Variants in CRIM1 observed in about 807,000 individuals in gnomAD.
The protein encoded by CRIM1 is cysteine-rich motor neuron 1 protein.
CRIM1 carries 32 observed loss-of-function variants against 116.4 expected under a neutral mutation model. That is an observed-to-expected ratio of 0.27 (90% CI 0.21 to 0.37). The LOEUF (loss-of-function observed/expected upper bound fraction) is 0.37. CRIM1 is among the 10% of genes least tolerant of loss of function. The pLI is 1.00. For synonymous variants in CRIM1, 590 were observed against 509.2 expected (o/e 1.16, Z -2.13); for missense variants, 1,331 against 1,354.8 (o/e 0.98, Z 0.28).
At chr2:36,495,140 G>T (rs950142902) in intron 7 of CRIM1, among the ~76,000 whole-genome samples, 1 of 152,142 alleles carries the variant, frequency 6.6e-6, no homozygotes, top group African/African-American at 2.4e-5. Flanking sequence ...CAGGACCTCT[G>T]TTCAATTGAA....
chr2:36,475,180 AT>A (rs2125036491), intron 5 of CRIM1, among the ~76,000 whole-genome samples: 1 of 152,366 alleles, frequency 6.6e-6, no homozygotes, highest in Admixed American at 6.5e-5. Context: ...ATGTAGATCA[AT>A]TTGGGGAATA....
intron 1 of CRIM1, among the ~76,000 whole-genome samples, chr2:36,361,005 G>A (rs895902512): frequency 1.3e-5 from 2 of 152,060 alleles, no homozygotes; most frequent in African/African-American, 2.4e-5. Flanking sequence ...AGAAACCAAC[G>A]AAGTAAACAA....
chr2:36,379,743 T>TC (rs67148255), intron 1 of CRIM1, among the ~76,000 whole-genome samples: 16,451 of 64,498 alleles, frequency 0.26, 1,011 homozygotes, highest in East Asian at 0.49. Flanking sequence ...TCTTTCTCTC[T>TC]TTTTTTTTTT....
intron 1 of CRIM1, among the ~76,000 whole-genome samples, chr2:36,360,104 T>C (rs1276235768): frequency 6.6e-6 from 1 of 152,354 alleles, no homozygotes; most frequent in African/African-American, 2.4e-5. Context: ...GATTGGACAG[T>C]GAGAATTATG....
At chr2:36,512,521 T>C in intron 10 of CRIM1, 127 bp downstream of exon 10, 2 of 1,001,218 alleles carry the variant, frequency 2.0e-6, no homozygotes, top group East Asian at 2.4e-5. Context: ...TGTCAGTCTC[T>C]GTGGGACCGT....
At chr2:36,438,449 TCTC>T (rs1467089478) in intron 2 of CRIM1, among the ~76,000 whole-genome samples, 2 of 152,176 alleles carry the variant, frequency 1.3e-5, no homozygotes. Context: ...AGATTCGCCT[TCTC>T]CTCCTCACCT....
At chr2:36,414,590 T>C (rs977832785) in intron 2 of CRIM1, among the ~76,000 whole-genome samples, 1 of 152,204 alleles carries the variant, frequency 6.6e-6, no homozygotes, top group Admixed American at 6.5e-5. Flanking sequence ...ATAGGATAGC[T>C]TGAGAAAGTC....
chr2:36,398,591 G>A (rs78252291), intron 2 of CRIM1, among the ~76,000 whole-genome samples: 4 of 152,274 alleles, frequency 2.6e-5, no homozygotes, highest in Admixed American at 6.5e-5. Flanking sequence ...AATAATTACC[G>A]TATCTGATTG....
intron 1 of CRIM1, 41 bp from the exon 2 acceptor site, chr2:36,396,573 A>G: frequency 7.1e-7 from 1 of 1,407,828 alleles, no homozygotes; most frequent in Non-Finnish European, 9.6e-7. Context: ...CTTTGAATGA[A>G]GCTGCAAACA....
chr2:36,543,480 C>T (rs1420797234), intron 14 of CRIM1, among the ~76,000 whole-genome samples: 2 of 143,742 alleles, frequency 1.4e-5, no homozygotes, highest in Admixed American at 7.3e-5. Flanking sequence ...TAGGATCCTA[C>T]GTGTTGAGTA....
intron 2 of CRIM1, among the ~76,000 whole-genome samples, chr2:36,426,351 C>G (rs1345410714): frequency 6.6e-6 from 1 of 152,110 alleles, no homozygotes; most frequent in Non-Finnish European, 1.5e-5. Flanking sequence ...AATCATTAAT[C>G]TTGAAGGTCA....
chr2:36,436,091 T>C (rs116672826), intron 2 of CRIM1, among the ~76,000 whole-genome samples: 303 of 152,218 alleles, frequency 2.0e-3, no homozygotes, highest in Non-Finnish European at 3.4e-3. Flanking sequence ...AACTTTCTAA[T>C]TGATGGAGTG....
chr2:36,406,602 C>G (rs944199520), intron 2 of CRIM1, among the ~76,000 whole-genome samples: 3 of 148,364 alleles, frequency 2.0e-5, no homozygotes, highest in African/African-American at 7.5e-5. Context: ...ACTAGTTTAA[C>G]TCTGCTAATA....
intron 8 of CRIM1, among the ~76,000 whole-genome samples, chr2:36,509,484 G>A (rs191912688): frequency 1.6e-4 from 24 of 152,262 alleles, no homozygotes; most frequent in East Asian, 5.8e-4. Flanking sequence ...CCGAAATCAC[G>A]CCACTGTACT....
chr2:36,533,507 TAGG>T (rs1666262048), intron 13 of CRIM1, among the ~76,000 whole-genome samples: 1 of 150,934 alleles, frequency 6.6e-6, no homozygotes, highest in Non-Finnish European at 1.5e-5. Context: ...GAGGTTAAAG[TAGG>T]AGGATCACTT....
chr2:36,548,660 C>T lies in CRIM1; in HGVS notation c.3070C>T (p.Gln1024Ter), dbSNP rs775515274. The T allele has an allele frequency of 6.2e-7, 1 of 1,607,950 alleles. No individual in the cohort carries two copies. The highest frequency in any genetic ancestry group is 8.5e-7 in the Non-Finnish European group (1 of 1,178,174). The change falls in exon 17 of 17, where the codon CAG becomes TAG. Residue 1024 changes from glutamine (Q) to a stop codon, truncating the protein, a stop_gained. Transcript: ENST00000280527. LOFTEE classifies it high-confidence loss of function. ...RFSGFYSMQK[Q>*]NHLQADNFYQ... The stretch of plus-strand genomic sequence containing the variant: ...CAGTGGCTTCTACAGCATGCAAAAA[C>T]AGAACCATCTACAGGCAGACAATTT...
intron 2 of CRIM1, among the ~76,000 whole-genome samples, chr2:36,410,050 G>C (rs1673092587): frequency 6.6e-6 from 1 of 152,152 alleles, no homozygotes; most frequent in Non-Finnish European, 1.5e-5. Context: ...TTTGATTCGT[G>C]GTTTCTCTTG....
chr2:36,429,812 G>T (rs1674739302), intron 2 of CRIM1, among the ~76,000 whole-genome samples: 1 of 152,222 alleles, frequency 6.6e-6, no homozygotes, highest in Non-Finnish European at 1.5e-5. Flanking sequence ...AAAAGCGTTT[G>T]CCTTGCTCAC....
chr2:36,433,461 G>C (rs1307962783), intron 2 of CRIM1, among the ~76,000 whole-genome samples: 1 of 152,214 alleles, frequency 6.6e-6, no homozygotes, highest in Non-Finnish European at 1.5e-5. Context: ...GCCAGCTGTG[G>C]CTTGCCAGGG....
Sources: gnomAD v4.1 joint callset for allele counts (sites outside exome capture counted in the v4.1 genomes callset) on GRCh38, gnomAD v4.1.1 for gene constraint, MANE v1.5 for transcripts, NCBI Gene and HGNC (gene_info 2026-07-23, HGNC 2026-07-21) for gene names.